Variants in PHACTR1 observed in about 807,000 individuals in gnomAD.
The protein encoded by PHACTR1 is RPEL repeat containing 1.
PHACTR1 carries 16 observed loss-of-function variants against 69.2 expected under a neutral mutation model. The observed-to-expected ratio is 0.23, with a 90% CI of 0.16 to 0.35. The LOEUF is 0.35. Among genes scored for constraint, PHACTR1 ranks in the 10% least tolerant of loss-of-function variants. PHACTR1 has a pLI of 1.00. For synonymous variants in PHACTR1, 312 were observed against 284.5 expected, an observed-to-expected ratio of 1.10 and a Z score of -0.97; for missense variants, 510 against 734.7, an observed-to-expected ratio of 0.69 and a Z score of 3.54.
rs1172881850 is a variant in PHACTR1, at chr6:13,160,255, G to A, written c.467G>A (p.Arg156Gln). ...CAAAGCAGAGAAGAGCTGATAAAGC[G>A]AGGAGTCCTGAAGGAAATCTATGAT... Reference protein sequence around the residue: ...MRQSREELIKRGVLKEIYDKD... With the variant: ...MRQSREELIKQGVLKEIYDKD... Residue 156 changes from arginine (R) to glutamine (Q), a missense_variant, in exon 6 of 15, where the codon CGA becomes CAA. By Grantham distance (43) the Arg-to-Gln change is conservative. Transcript: ENST00000332995. 12 of 1,613,620 alleles carry A rather than the reference G, an allele frequency of 7.4e-6. No individual in the cohort carries two copies. Among genetic ancestry groups the A allele is most frequent in the African/African-American group, 5.3e-5 (4 of 74,928 alleles).
intron 10 of PHACTR1, among the ~76,000 whole-genome samples, chr6:13,252,345 A>G (rs963988978): frequency 2.0e-5 from 3 of 150,302 alleles, no homozygotes; most frequent in Admixed American, 6.6e-5. Flanking sequence ...AAAAAAAAAG[A>G]AAAAGGAAAG....
intron 6 of PHACTR1, among the ~76,000 whole-genome samples, chr6:13,164,319 C>A (rs1759469523): frequency 6.6e-6 from 1 of 152,134 alleles, no homozygotes; most frequent in Non-Finnish European, 1.5e-5. Context: ...TTAAGTTGTT[C>A]ATTTCAAGGA....
chr6:12,932,869 C>T (rs1789018783), intron 4 of PHACTR1, among the ~76,000 whole-genome samples: 1 of 151,820 alleles, frequency 6.6e-6, no homozygotes, highest in South Asian at 2.1e-4. Flanking sequence ...AATTCATAAG[C>T]AGAGAGTCTC....
Position 13,157,739 on chromosome 6 carries a change from G to T in PHACTR1, c.416-2465G>T, listed in dbSNP as rs114874312. Among the ~76,000 whole-genome samples the T allele has an allele frequency of 9.4e-3, 1,433 of 152,236 alleles. 15 individuals carry two copies. Among genetic ancestry groups the T allele is most frequent in the Non-Finnish European group, 0.015 (1,018 of 68,012 alleles). On this transcript the variant is annotated intron_variant, in intron 5 of 14. Transcript: ENST00000332995. ...TTATTTATGCGGTTAAGTACAGAAGGGGAAAGCATCTCTTTATATTCGGAT... is the reference window on the plus strand; with the variant it reads ...TTATTTATGCGGTTAAGTACAGAAGTGGAAAGCATCTCTTTATATTCGGAT...
At position 13,287,296 on chromosome 6, in the gene PHACTR1, C is replaced by T. The variant is rs1265530807; in HGVS notation, c.*218C>T. On this transcript the variant is annotated 3_prime_UTR_variant, in exon 15 of 15. Coordinates refer to ENST00000332995, the MANE Select transcript of PHACTR1 (RefSeq NM_030948.6). ...CGAGCTGCTGGTCCCACTTCTGACA[C>T]CAAAATGCATCCCAACCCCCGGCAG... 1.6e-5 allele frequency: 9 copies of T among 572,818 alleles called. No individual in the cohort carries two copies. Among genetic ancestry groups the T allele is most frequent in the Non-Finnish European group, 2.7e-5 (9 of 332,350 alleles). The allele number at this position is 572,818 out of a possible 1,614,324, so 35.5% of individuals were successfully genotyped here.
At chr6:13,201,062 G>A (rs558570390) in intron 7 of PHACTR1, among the ~76,000 whole-genome samples, 1 of 152,306 alleles carries the variant, frequency 6.6e-6, no homozygotes, top group South Asian at 2.1e-4. Flanking sequence ...CCCAGTCCTG[G>A]TCCTGAGGAC....
chr6:13,070,788 G>T (rs6909680), intron 5 of PHACTR1, among the ~76,000 whole-genome samples: 3,373 of 151,572 alleles, frequency 0.022, 130 homozygotes, highest in African/African-American at 0.077. Context: ...ATACCTATAT[G>T]ATGTATATGA....
At chr6:12,861,892 A>G (rs1780979741) in intron 4 of PHACTR1, among the ~76,000 whole-genome samples, 2 of 152,312 alleles carry the variant, frequency 1.3e-5, no homozygotes, top group East Asian at 3.9e-4. Flanking sequence ...ACACACATAT[A>G]TGTAAATATA....
intron 13 of PHACTR1, 124 bp from the exon 14 acceptor site, chr6:13,286,022 G>T (rs1306261398): frequency 1.4e-6 from 1 of 738,700 alleles, no homozygotes. Flanking sequence ...CCCAATGAAA[G>T]AATCCATCTT....
In PHACTR1 at chr6:13,031,448, AGAGT is replaced by A. The variant is rs549563993; in HGVS notation, c.251-21914_251-21911del. The stretch of plus-strand genomic sequence containing the variant: ...CAACATTGAATGTGGTTATATCCCA[AGAGT>A]GATGTAAGTCTACCACTAGTTTAAT... On this transcript the variant is annotated intron_variant, in intron 4 of 14. Transcript: ENST00000332995. Among the ~76,000 whole-genome samples, 23 of 152,370 alleles carry A rather than the reference AGAGT, an allele frequency of 1.5e-4. No homozygotes were observed. In the South Asian group the frequency reaches 3.9e-3, roughly 26 times the overall value.
chr6:13,236,223 AAAG>A (rs1771966749), intron 10 of PHACTR1, among the ~76,000 whole-genome samples: 1 of 151,980 alleles, frequency 6.6e-6, no homozygotes, highest in South Asian at 2.1e-4. Flanking sequence ...TTGGTTTGGG[AAAG>A]AATATTTCTC....
At chr6:12,880,563 C>T (rs1307782662) in intron 4 of PHACTR1, among the ~76,000 whole-genome samples, 1 of 152,110 alleles carries the variant, frequency 6.6e-6, no homozygotes, top group Non-Finnish European at 1.5e-5. Flanking sequence ...GCCTAGAATT[C>T]ATACTTTTAA....
intron 3 of PHACTR1, among the ~76,000 whole-genome samples, chr6:12,733,053 C>G (rs1265230236): frequency 6.6e-6 from 1 of 152,238 alleles, no homozygotes; most frequent in Non-Finnish European, 1.5e-5. Flanking sequence ...CCTTCTTAGA[C>G]TCATACATTT....
At chr6:12,841,030 C>T (rs190418497) in intron 4 of PHACTR1, among the ~76,000 whole-genome samples, 8 of 152,316 alleles carry the variant, frequency 5.3e-5, no homozygotes, top group Non-Finnish European at 7.3e-5. Context: ...CTCCGCAGGA[C>T]GGGGTCTCCT....
intron 4 of PHACTR1, among the ~76,000 whole-genome samples, chr6:12,929,988 C>T (rs1261499371): frequency 6.6e-6 from 1 of 152,002 alleles, no homozygotes; most frequent in Admixed American, 6.6e-5. Context: ...ATATTTTATC[C>T]CCTAAATACT....
intron 5 of PHACTR1, among the ~76,000 whole-genome samples, chr6:13,092,103 G>A (rs542376923): frequency 8.5e-5 from 13 of 152,198 alleles, no homozygotes; most frequent in Non-Finnish European, 1.9e-4. Context: ...CAGCTGGTTC[G>A]AACTTCTATG....
chr6:13,234,212 C>T (rs1356138914), intron 10 of PHACTR1, among the ~76,000 whole-genome samples: 1 of 152,260 alleles, frequency 6.6e-6, no homozygotes, highest in Non-Finnish European at 1.5e-5. Context: ...GAGCGAGCTA[C>T]TCTGGAGTAG....
chr6:12,883,379 T>C (rs1445862820), intron 4 of PHACTR1, among the ~76,000 whole-genome samples: 2 of 152,078 alleles, frequency 1.3e-5, no homozygotes, highest in African/African-American at 4.8e-5. Flanking sequence ...CACGCCCAGC[T>C]AATTTTTGTA....
At chr6:13,174,660 C>T (rs944752403) in intron 6 of PHACTR1, among the ~76,000 whole-genome samples, 8 of 152,096 alleles carry the variant, frequency 5.3e-5, no homozygotes, top group Admixed American at 1.3e-4. Flanking sequence ...GTGGTTCTTG[C>T]CATCCTTAAG....
Sources: allele counts gnomAD v4.1 joint callset (sites outside exome capture counted in the v4.1 genomes callset), GRCh38; gene constraint gnomAD v4.1.1; transcripts MANE v1.5; gene names NCBI Gene and HGNC (gene_info 2026-07-23, HGNC 2026-07-21).